Variants in ARSJ observed in about 807,000 individuals in gnomAD.
ARSJ encodes the protein arylsulfatase J.
In ARSJ, 26 loss-of-function variants were observed where a neutral mutation model predicts 35.9. That is an observed-to-expected ratio of 0.72 (90% CI 0.53 to 1.00). The LOEUF (loss-of-function observed/expected upper bound fraction) is 1.00. Among genes scored for constraint, ARSJ ranks in the 50% least tolerant of loss-of-function variants. The pLI, the probability that ARSJ is intolerant of heterozygous loss-of-function variation, is 0.00. For missense variants in ARSJ, 667 were observed against 723.6 expected (o/e 0.92, Z 0.90); for synonymous variants, 294 against 267.6 (o/e 1.10, Z -0.96).
rs568524536 is a variant in ARSJ, at chr4:113,950,092, G to A, written c.398+28345C>T. On this transcript the variant is annotated intron_variant, in intron 1 of 1. Transcript: ENST00000315366. Reference sequence around the variant, plus strand: ...TACAGATGTAAGCTATATGGTTCTCGGGAAATAAAATGAAGTTCTAATAAA... The same window carrying A: ...TACAGATGTAAGCTATATGGTTCTCAGGAAATAAAATGAAGTTCTAATAAA... Among the ~76,000 whole-genome samples the A allele has an allele frequency of 6.6e-5, 10 of 152,058 alleles. No homozygotes were observed. The South Asian group carries it at 8.3e-4, about 13-fold the overall frequency.
intron 1 of ARSJ, among the ~76,000 whole-genome samples, chr4:113,977,331 C>T (rs1193988876): frequency 1.3e-5 from 2 of 152,162 alleles, no homozygotes; most frequent in African/African-American, 2.4e-5. Flanking sequence ...GGCAATGATG[C>T]TAAGTTCTGA....
chr4:113,962,271 G>T (rs1726596220), intron 1 of ARSJ, among the ~76,000 whole-genome samples: 1 of 151,738 alleles, frequency 6.6e-6, no homozygotes. Flanking sequence ...GAGTGGCTGA[G>T]CCAGAACTCA....
At chr4:113,909,493 T>C (rs1221023914) in intron 1 of ARSJ, among the ~76,000 whole-genome samples, 4 of 152,106 alleles carry the variant, frequency 2.6e-5, no homozygotes, top group African/African-American at 9.7e-5. Flanking sequence ...GAGAGGGACC[T>C]GGTGAGAGGT....
At chr4:113,911,095 G>A (rs930218880) in intron 1 of ARSJ, among the ~76,000 whole-genome samples, 1 of 152,136 alleles carries the variant, frequency 6.6e-6, no homozygotes, top group African/African-American at 2.4e-5. Context: ...GCAGCAGGAG[G>A]AGCCATCCAG....
At chr4:113,942,659 T>C (rs1000750925) in intron 1 of ARSJ, among the ~76,000 whole-genome samples, 3 of 152,074 alleles carry the variant, frequency 2.0e-5, no homozygotes, top group African/African-American at 7.2e-5. Flanking sequence ...GCAGTGGTTA[T>C]GAGTGATCTT....
chr4:113,904,838 T>C (rs1350682356), intron 1 of ARSJ, among the ~76,000 whole-genome samples: 1 of 152,242 alleles, frequency 6.6e-6, no homozygotes, highest in African/African-American at 2.4e-5. Flanking sequence ...GGTTTCTGAC[T>C]ACACAATACA....
At chr4:113,909,126 A>T (rs1046196010) in intron 1 of ARSJ, among the ~76,000 whole-genome samples, 3 of 152,050 alleles carry the variant, frequency 2.0e-5, no homozygotes, top group African/African-American at 7.3e-5. Flanking sequence ...CAGTGAGAGA[A>T]GTACAGAAGG....
intron 1 of ARSJ, among the ~76,000 whole-genome samples, chr4:113,919,667 G>T (rs1352947553): frequency 2.6e-5 from 4 of 152,160 alleles, no homozygotes; most frequent in African/African-American, 9.6e-5. Context: ...GCTTTGGGAA[G>T]GGGCAGTGTG....
intron 1 of ARSJ, among the ~76,000 whole-genome samples, chr4:113,930,446 C>T (rs933484963): frequency 1.3e-5 from 2 of 152,064 alleles, no homozygotes; most frequent in African/African-American, 4.8e-5. Flanking sequence ...AAATATTAAT[C>T]TCCTTTGGCA....
intron 1 of ARSJ, among the ~76,000 whole-genome samples, chr4:113,974,035 A>G (rs1325765008): frequency 6.6e-6 from 1 of 152,212 alleles, no homozygotes; most frequent in Non-Finnish European, 1.5e-5. Context: ...CTGCAGTGCA[A>G]TGGAGACGGT....
At position 113,979,032 on chromosome 4, in the gene ARSJ, A is replaced by AGGGC. The variant is rs1335426788; in HGVS notation, c.-202_-199dup. On this transcript the variant is annotated 5_prime_UTR_variant, in exon 1 of 2. The change creates a premature stop within an existing upstream ORF in the 5' untranslated region. Transcript: ENST00000315366. ...TGGATGGGACTCCGGAAGAACAAGG[A>AGGGC]GGGCTCGCTCTTCTCCAGCACATTT... 1.9e-6 allele frequency: 1 copy of AGGGC among 532,166 alleles called. No homozygotes were observed. Among genetic ancestry groups the AGGGC allele is most frequent in the East Asian group, 3.0e-5 (1 of 33,114 alleles). 33.0% of individuals were successfully genotyped at this position (532,166 alleles called of 1,614,324 possible).
At chr4:113,975,031 A>C (rs576740823) in intron 1 of ARSJ, among the ~76,000 whole-genome samples, 1 of 152,300 alleles carries the variant, frequency 6.6e-6, no homozygotes, top group Admixed American at 6.5e-5. Flanking sequence ...TTTTACAAAC[A>C]TAATGCTAAA....
At chr4:113,905,712 G>T (rs2099668536) in intron 1 of ARSJ, among the ~76,000 whole-genome samples, 1 of 116,208 alleles carries the variant, frequency 8.6e-6, no homozygotes, top group Non-Finnish European at 1.6e-5. Context: ...CTATCACCCA[G>T]GCTGGAGTGC....
chr4:113,943,751 T>C (rs1725305180), intron 1 of ARSJ, among the ~76,000 whole-genome samples: 1 of 151,862 alleles, frequency 6.6e-6, no homozygotes, highest in South Asian at 2.1e-4. Context: ...AGTGCAGATA[T>C]GGGAAAAATC....
intron 1 of ARSJ, among the ~76,000 whole-genome samples, chr4:113,930,061 C>G (rs917792071): frequency 6.6e-6 from 1 of 152,112 alleles, no homozygotes; most frequent in Non-Finnish European, 1.5e-5. Context: ...CCAGAAACCC[C>G]AAAACCAGTG....
At chr4:113,951,476 C>G (rs1247020857) in intron 1 of ARSJ, among the ~76,000 whole-genome samples, 1 of 152,044 alleles carries the variant, frequency 6.6e-6, no homozygotes, top group African/African-American at 2.4e-5. Flanking sequence ...TTCAATGGGA[C>G]TACTCCCTTT....
At chr4:113,938,930 A>C (rs1238197763) in intron 1 of ARSJ, among the ~76,000 whole-genome samples, 1 of 151,792 alleles carries the variant, frequency 6.6e-6, no homozygotes, top group Non-Finnish European at 1.5e-5. Flanking sequence ...TTATTATTAT[A>C]CTTTAAGTTT....
chr4:113,937,320 C>A lies in ARSJ; in HGVS notation c.399-33645G>T, dbSNP rs1485660207. On this transcript the variant is annotated intron_variant, in intron 1 of 1. Transcript: ENST00000315366. ...TAGGAAGAATTAGATCCTGCTGGAT[C>A]AAAGCCACAGGAAAGCTCCAGATGA... Among the ~76,000 whole-genome samples the A allele has an allele frequency of 2.6e-5, 4 of 151,868 alleles. No homozygotes were observed. In the East Asian group the frequency reaches 7.8e-4, roughly 29 times the overall value.
Position 113,902,738 on chromosome 4 carries a change from G to A in ARSJ, c.1336C>T (p.Gln446Ter), listed in dbSNP as rs1313875237. The change falls in exon 2 of 2, where the codon CAG becomes TAG. Residue 446 changes from glutamine to a stop codon, truncating the protein, a stop_gained. Transcript: ENST00000315366. LOFTEE classifies it high-confidence loss of function. ...CAGTGCTGCACTCTGATGGCTGACT[G>A]GATTGCAGTGTTCCAGATCCCATAG... ...AGYGIWNTAIQSAIRVQHWKL... is the reference protein window; with the variant it reads ...AGYGIWNTAI 1.9e-6 allele frequency: 3 copies of A among 1,614,186 alleles called. No individual in the cohort carries two copies. Among genetic ancestry groups the A allele is most frequent in the Non-Finnish European group, 2.5e-6 (3 of 1,180,034 alleles).
Sources: gnomAD v4.1 joint callset for allele counts (sites outside exome capture counted in the v4.1 genomes callset) on GRCh38, gnomAD v4.1.1 for gene constraint, MANE v1.5 for transcripts, NCBI Gene and HGNC (gene_info 2026-07-23, HGNC 2026-07-21) for gene names.